KIF1A: variants seen among roughly 807,000 people sequenced by gnomAD.
The protein encoded by KIF1A is kinesin-like protein KIF1A.
A neutral mutation model predicts 227.3 loss-of-function variants in KIF1A; 46 were observed. That is an observed-to-expected ratio of 0.20 (90% CI 0.16 to 0.26). KIF1A has a LOEUF of 0.26. Among genes scored for constraint, KIF1A ranks in the 10% least tolerant of loss-of-function variants. The probability of loss-of-function intolerance (pLI) is 1.00; values close to 1 mark genes in which losing one functional copy is unlikely to be tolerated. For missense variants in KIF1A, 1,683 were observed against 2,485.9 expected (o/e 0.68, Z 6.87); for synonymous variants, 1,022 against 1,012.8 (o/e 1.01, Z -0.17).
At position 240,768,219 on chromosome 2, in the gene KIF1A, C is replaced by T. The variant is rs561596355; in HGVS notation, c.1498-874G>A. 9.8e-5 allele frequency among the ~76,000 whole-genome samples: 15 copies of T among 152,328 alleles called. No individual in the cohort carries two copies. The South Asian group carries it at 2.5e-3, about 25-fold the overall frequency. On this transcript the variant is annotated intron_variant, in intron 17 of 48. Transcript: ENST00000498729. The stretch of plus-strand genomic sequence containing the variant: ...ACCCCTGGAGTTCCACCCTATCCCT[C>T]CAGGAAGGGGATGGGGTCTGAAACA...
At position 240,792,596 on chromosome 2, in the gene KIF1A, T is replaced by A. The variant is rs2055855874; in HGVS notation, c.107-3284A>T. Among the ~76,000 whole-genome samples, 1 of 152,078 alleles carries A rather than the reference T, an allele frequency of 6.6e-6. No homozygotes were observed. The highest frequency in any genetic ancestry group is 2.4e-5 in the African/African-American group (1 of 41,412). On this transcript the variant is annotated intron_variant, in intron 2 of 48. Transcript: ENST00000498729. This position sits in a 1 kb window ranked among gnomAD's most constrained non-coding sequence, Gnocchi z 4.5. ...AAAGGAATGGAATACAGCCGTTTTC[T>A]CAGAGTCTCAGCTTTCCTGCGGCCT...
rs539517169 is a variant in KIF1A at position 240,766,815 on chromosome 2, C to T, written c.1684+100G>A. On this transcript the variant is annotated intron_variant, in intron 19 of 48. Coordinates refer to ENST00000498729, the MANE Select transcript of KIF1A (RefSeq NM_001244008.2). This position sits in a 1 kb window ranked among gnomAD's most constrained non-coding sequence, Gnocchi z 5.0. ...CTGCCTAGAAGTATGACTCGCGACCCACTTAGTGCTGGGTAAGCTGGGAGA... is the reference window on the plus strand; with the variant it reads ...CTGCCTAGAAGTATGACTCGCGACCTACTTAGTGCTGGGTAAGCTGGGAGA... 6.2e-5 allele frequency: 44 copies of T among 708,442 alleles called. 1 individual carries two copies. Among genetic ancestry groups the T allele is most frequent in the South Asian group, 4.0e-4 (23 of 57,558 alleles). The allele number at this position is 708,442 out of a possible 1,614,324, so 43.9% of individuals were successfully genotyped here.
intron 43 of KIF1A, 65 bp from the exon 44 acceptor site, chr2:240,721,949 C>A: frequency 7.3e-7 from 1 of 1,361,472 alleles, no homozygotes; most frequent in Non-Finnish European, 1.0e-6. Flanking sequence ...GACAGCCTTG[C>A]AGGCTCTTCT....
chr2:240,780,158 C>A (rs548967442), intron 10 of KIF1A, among the ~76,000 whole-genome samples: 2 of 151,958 alleles, frequency 1.3e-5, no homozygotes, highest in Non-Finnish European at 2.9e-5. Context: ...CCTGACGCAG[C>A]GTTCACACGG....
intron 2 of KIF1A, among the ~76,000 whole-genome samples, chr2:240,795,076 C>T (rs1365803004): frequency 6.6e-6 from 1 of 152,164 alleles, no homozygotes; most frequent in African/African-American, 2.4e-5. Flanking sequence ...CCCGGAAGAT[C>T]GGCATCTCAG....
chr2:240,763,495 G>A, intron 20 of KIF1A, 149 bp from the exon 21 acceptor site: 2 of 714,132 alleles, frequency 2.8e-6, no homozygotes, highest in East Asian at 2.9e-5. Context: ...GCCCTCGCTG[G>A]GACCTGAATG....
In KIF1A at chr2:240,721,175, C is replaced by T. The variant is rs559632931; in HGVS notation, c.4744-137G>A. The T allele has an allele frequency of 3.7e-5, 44 of 1,180,588 alleles. No individual in the cohort carries two copies. The African/African-American group carries it at 5.2e-4, about 14-fold the overall frequency. 73.1% of individuals were successfully genotyped at this position (1,180,588 alleles called of 1,614,324 possible). ...ACCCCTCCTACCAGCAGCCTTGGCT[C>T]AAAGTTGGCCAGCTCAAGACCCCCG... On this transcript the variant is annotated intron_variant, in intron 44 of 48. Coordinates refer to ENST00000498729, the MANE Select transcript of KIF1A (RefSeq NM_001244008.2).
chr2:240,766,747 TCTCACACA>T lies in KIF1A; in HGVS notation c.1684+160_1684+167del, dbSNP rs1217641808. ...ATCTCTCTCTCTCTCTCTCTCTCTCTCTCACACACACACACACACACACACACACACAC... is the reference window on the plus strand; with the variant it reads ...ATCTCTCTCTCTCTCTCTCTCTCTCTCACACACACACACACACACACACAC... On this transcript the variant is annotated intron_variant, in intron 19 of 48. Coordinates refer to ENST00000498729, the MANE Select transcript of KIF1A (RefSeq NM_001244008.2). This position sits in a 1 kb window ranked among gnomAD's most constrained non-coding sequence, Gnocchi z 5.0. 1.7e-5 allele frequency among the ~76,000 whole-genome samples: 2 copies of T among 119,442 alleles called. No individual in the cohort carries two copies. Among genetic ancestry groups the T allele is most frequent in the Non-Finnish European group, 3.3e-5 (2 of 60,202 alleles). The allele number at this position is 119,442 out of a possible 152,430, so 78.4% of individuals were successfully genotyped here. A position where few individuals can be genotyped will look rare whatever the true frequency, so the allele number is the denominator to read the frequency against.
Position 240,735,251 on chromosome 2 carries a change from C to T in KIF1A, c.4007+1812G>A, listed in dbSNP as rs115467290. On this transcript the variant is annotated intron_variant, in intron 38 of 48. Coordinates refer to ENST00000498729, the MANE Select transcript of KIF1A (RefSeq NM_001244008.2). ...CCTTTCTCAGACCCAGGGCCTTGAC[C>T]CCAGAACAGGGCTGCCTCAACCCCA... is the stretch of plus-strand genomic sequence containing the variant. 5.1e-3 allele frequency among the ~76,000 whole-genome samples: 772 copies of T among 152,294 alleles called. 7 individuals are homozygous for T. Among genetic ancestry groups the T allele is most frequent in the African/African-American group, 0.018 (732 of 41,564 alleles).
intron 32 of KIF1A, 133 bp from the exon 33 acceptor site, chr2:240,744,193 G>A: frequency 1.5e-6 from 1 of 663,444 alleles, no homozygotes; most frequent in Admixed American, 2.3e-5. Context: ...GTCTGCCCAG[G>A]GGCAGCAGCC....
At position 240,744,241 on chromosome 2, in the gene KIF1A, C is replaced by T. The variant is rs141128570; in HGVS notation, c.3466-181G>A. 3.4e-4 allele frequency among the ~76,000 whole-genome samples: 52 copies of T among 152,318 alleles called. No individual in the cohort carries two copies. The East Asian group carries it at 9.7e-3, about 28-fold the overall frequency. On this transcript the variant is annotated intron_variant, in intron 32 of 48. Transcript: ENST00000498729. Reference sequence around the variant, plus strand: ...TTCAGCCCAGCCCCTCCTCCCACCACGTGCCCCAGACAGACTCTGGAGTGT... The same window carrying T: ...TTCAGCCCAGCCCCTCCTCCCACCATGTGCCCCAGACAGACTCTGGAGTGT...
Position 240,723,381 on chromosome 2 carries a change from C to T in KIF1A, c.4464+32G>A, listed in dbSNP as rs895134344. On this transcript the variant is annotated intron_variant, in intron 42 of 48. Coordinates refer to ENST00000498729, the MANE Select transcript of KIF1A (RefSeq NM_001244008.2). Reference sequence around the variant, plus strand: ...GCACACAAAGCCACATGGACACCACCGTGCGGGCCTCATCCTCTGAGGCTG... The same window carrying T: ...GCACACAAAGCCACATGGACACCACTGTGCGGGCCTCATCCTCTGAGGCTG... 15 of 1,519,480 alleles carry T rather than the reference C, an allele frequency of 9.9e-6. No individual in the cohort carries two copies. The East Asian group carries it at 2.0e-4, about 20-fold the overall frequency. The allele number at this position is 1,519,480 out of a possible 1,614,324, so 94.1% of individuals were successfully genotyped here.
At position 240,725,507 on chromosome 2, in the gene KIF1A, C is replaced by A; in HGVS notation, c.4123-103G>T. The stretch of plus-strand genomic sequence containing the variant: ...CACAATGCCCAGCACCGACAGGCAG[C>A]CCCAGGGCCTTCCCAGGGCCTCAGG... On this transcript the variant is annotated intron_variant, in intron 39 of 48. Coordinates refer to ENST00000498729, the MANE Select transcript of KIF1A (RefSeq NM_001244008.2). This position sits in a 1 kb window ranked among gnomAD's most constrained non-coding sequence, Gnocchi z 5.8. 7.6e-7 allele frequency: 1 copy of A among 1,312,926 alleles called. No homozygotes were observed. The highest frequency in any genetic ancestry group is 1.1e-6 in the Non-Finnish European group (1 of 952,308). The allele number at this position is 1,312,926 out of a possible 1,614,324, so 81.3% of individuals were successfully genotyped here.
chr2:240,820,598 T>C (rs1280515261), upstream of KIF1A, among the ~76,000 whole-genome samples: 2 of 145,378 alleles, frequency 1.4e-5, no homozygotes, highest in East Asian at 4.7e-4. The surrounding 1 kb of genome is among the most constrained non-coding windows in gnomAD (Gnocchi z 6.2). Flanking sequence ...TCCCCCACCC[T>C]GGCCCCTTTC....
chr2:240,726,790 T>C lies in KIF1A; in HGVS notation c.4122+36A>G. On this transcript the variant is annotated intron_variant, in intron 39 of 48. Transcript: ENST00000498729. The surrounding 1 kb of genome is among the most constrained non-coding windows in gnomAD (Gnocchi z 5.2). ...AGAACCTCAAGCTTCAGGGGCTGAG[T>C]GGTTTTGGTGGAGTGCCCTGGCATA... 1 of 1,267,980 alleles carries C rather than the reference T, an allele frequency of 7.9e-7. No homozygotes were observed. Among genetic ancestry groups the C allele is most frequent in the Non-Finnish European group, 1.1e-6 (1 of 878,048 alleles). 78.5% of individuals were successfully genotyped at this position (1,267,980 alleles called of 1,614,324 possible).
intron 27 of KIF1A, among the ~76,000 whole-genome samples, chr2:240,751,011 A>G (rs1575572231): frequency 6.6e-6 from 1 of 152,094 alleles, no homozygotes; most frequent in Admixed American, 6.5e-5. Context: ...TTCCCCAGAC[A>G]GAAACTCGGC....
At chr2:240,780,838 ACACACAGCTC>A (rs1559522575) in intron 10 of KIF1A, among the ~76,000 whole-genome samples, 3 of 109,402 alleles carry the variant, frequency 2.7e-5, no homozygotes, top group East Asian at 2.6e-4. Context: ...CTCCACACAC[ACACACAGCTC>A]CACACACACA....
intron 42 of KIF1A, 23 bp from the exon 43 acceptor site, chr2:240,722,679 T>C: frequency 1.4e-6 from 2 of 1,480,408 alleles, no homozygotes; most frequent in Non-Finnish European, 1.8e-6. Context: ...CACAAGGCCT[T>C]ACCTGCTGCA....
At chr2:240,786,240 T>G (rs1285278572) in intron 6 of KIF1A, 95 bp downstream of exon 6, 9 of 1,276,928 alleles carry the variant, frequency 7.0e-6, no homozygotes, top group Non-Finnish European at 1.0e-5. Flanking sequence ...AGATGGACCC[T>G]ACCAAAAAGG....
Sources: allele counts gnomAD v4.1 joint callset (sites outside exome capture counted in the v4.1 genomes callset), GRCh38; gene constraint gnomAD v4.1.1; non-coding constraint Gnocchi (gnomAD v3.1); transcripts MANE v1.5; gene names NCBI Gene and HGNC (gene_info 2026-07-23, HGNC 2026-07-21).